Variants in EML5 observed in about 807,000 individuals in gnomAD.
EML5 encodes echinoderm microtubule-associated protein-like 5.
A neutral mutation model predicts 250.0 loss-of-function variants in EML5; 120 were observed. The observed-to-expected ratio is 0.48, with a 90% CI of 0.41 to 0.56. The LOEUF (loss-of-function observed/expected upper bound fraction) is 0.56, where lower values mean the gene tolerates loss of function less well. EML5 is among the 20% of genes least tolerant of loss of function. The pLI is 0.00. For missense variants in EML5, 2,006 were observed against 2,437.6 expected (o/e 0.82, Z 3.73); for synonymous variants, 771 against 806.5 (o/e 0.96, Z 0.75).
At position 88,688,488 on chromosome 14, in the gene EML5, AT is replaced by A. The variant is rs775108935; in HGVS notation, c.2540-16del. On this transcript the variant is annotated splice_polypyrimidine_tract_variant and intron_variant, in intron 17 of 43. Coordinates refer to ENST00000554922, the MANE Select transcript of EML5 (RefSeq NM_183387.3). The stretch of plus-strand genomic sequence containing the variant: ...CAATCCTCCCCCTAGTTCACAAAAA[AT>A]ATTATGAAAGTACCACTTTCAAAAT... 7.4e-6 allele frequency: 12 copies of A among 1,611,810 alleles called. No homozygotes were observed. In the East Asian group the frequency reaches 2.7e-4, roughly 36 times the overall value.
chr14:88,767,856 T>C (rs1243480390), intron 1 of EML5, among the ~76,000 whole-genome samples: 1 of 141,694 alleles, frequency 7.1e-6, no homozygotes, highest in African/African-American at 2.8e-5. Flanking sequence ...TAGTACAATA[T>C]CATTACCTAA....
At chr14:88,770,681 C>T (rs2094382440) in intron 1 of EML5, among the ~76,000 whole-genome samples, 1 of 152,106 alleles carries the variant, frequency 6.6e-6, no homozygotes, top group East Asian at 1.9e-4. Flanking sequence ...GTTCAGGTAT[C>T]CTTCAGGTTA....
intron 11 of EML5, 71 bp from the exon 12 acceptor site, chr14:88,705,659 A>C (rs566467066): frequency 9.0e-7 from 1 of 1,110,244 alleles, no homozygotes; most frequent in African/African-American, 1.6e-5. Context: ...TGAAAAATTA[A>C]TGATTAAGAG....
At chr14:88,618,195 C>T (rs1348323221) in intron 41 of EML5, 33 bp downstream of exon 41, 2 of 1,583,986 alleles carry the variant, frequency 1.3e-6, no homozygotes, top group East Asian at 2.2e-5. Flanking sequence ...CCTTCAAAGT[C>T]AGTTCTTGCC....
chr14:88,628,515 A>C (rs1435360905), intron 33 of EML5, among the ~76,000 whole-genome samples: 2 of 152,086 alleles, frequency 1.3e-5, no homozygotes, highest in African/African-American at 2.4e-5. Flanking sequence ...TTATAGTTTT[A>C]TATTTTCTTT....
At chr14:88,727,427 G>A (rs1595688725) in intron 7 of EML5, among the ~76,000 whole-genome samples, 5 of 148,486 alleles carry the variant, frequency 3.4e-5, no homozygotes, top group African/African-American at 1.2e-4. Context: ...TTGAGACGGA[G>A]TTTCGTTCCT....
chr14:88,620,942 A>G lies in EML5; in HGVS notation c.5203-16T>C. On this transcript the variant is annotated splice_polypyrimidine_tract_variant and intron_variant, in intron 38 of 43. Coordinates refer to ENST00000554922, the MANE Select transcript of EML5 (RefSeq NM_183387.3). The surrounding 1 kb of genome is among the most constrained non-coding windows in gnomAD (Gnocchi z 4.3). The stretch of plus-strand genomic sequence containing the variant: ...TTAACATCTTCTGCATTTAAAAAAA[A>G]AAAAAAAAAGAGTCATAGGAAACAT... 6.7e-7 allele frequency: 1 copy of G among 1,491,772 alleles called. No homozygotes were observed. Among genetic ancestry groups the G allele is most frequent in the Non-Finnish European group, 8.9e-7 (1 of 1,126,082 alleles). 92.4% of individuals were successfully genotyped at this position (1,491,772 alleles called of 1,614,324 possible). A position where few individuals can be genotyped will look rare whatever the true frequency, so the allele number is the denominator to read the frequency against.
intron 39 of EML5, chr14:88,619,607 T>C (rs1020371753): frequency 2.6e-5 from 4 of 152,250 alleles, no homozygotes; most frequent in Non-Finnish European, 5.9e-5. Flanking sequence ...GTCTTAATAT[T>C]AAGCAAAGAA....
chr14:88,695,504 G>T (rs1367542609), intron 15 of EML5, 50 bp from the exon 16 acceptor site: 1 of 1,491,536 alleles, frequency 6.7e-7, no homozygotes, highest in Non-Finnish European at 9.2e-7. Flanking sequence ...ATTCAGAAGA[G>T]AGAAAACATT....
chr14:88,626,649 T>C (rs2089987499), intron 35 of EML5, 189 bp downstream of exon 35: 1 of 645,930 alleles, frequency 1.5e-6, no homozygotes, highest in Admixed American at 3.0e-5. Flanking sequence ...CCCCCTCTCA[T>C]TAACATTCTT....
intron 1 of EML5, among the ~76,000 whole-genome samples, chr14:88,779,241 CT>C (rs1353913813): frequency 1.3e-5 from 2 of 152,136 alleles, no homozygotes; most frequent in Non-Finnish European, 2.9e-5. Context: ...TTAAAGCCTT[CT>C]TCTAATATCT....
Position 88,646,954 on chromosome 14 carries a change from C to T in EML5, c.4021G>A (p.Gly1341Ser), listed in dbSNP as rs767336981. 2 of 1,592,476 alleles carry T rather than the reference C, an allele frequency of 1.3e-6. No individual in the cohort carries two copies. The highest frequency in any genetic ancestry group is 1.7e-6 in the Non-Finnish European group (2 of 1,177,720). Residue 1341 changes from glycine to serine, a missense_variant and splice_region_variant, in exon 29 of 44, where the codon GGT becomes AGT. By Grantham distance (56) the Gly-to-Ser change is moderately conservative. Transcript: ENST00000554922. ...SIDERQGVVR[G>S]SRPPVSRAPP... is the part of the protein sequence containing the mutation. ...CAGCAAAGAGAGGATTACCTGGAAC[C>T]TCTTTTCAGCAGCAGATAAAGAGGG...
intron 33 of EML5, among the ~76,000 whole-genome samples, chr14:88,633,692 A>G (rs36122616): frequency 0.011 from 1,624 of 152,326 alleles, 13 homozygotes; most frequent in Non-Finnish European, 0.015. Context: ...TTGTAGCACA[A>G]AAGCTGCCAC....
rs1232458722 is a variant in EML5, at chr14:88,618,551, GCTGGAGCT to G, written c.5538+91_5538+98del. ...AAGGTACAAAGGGAGGAGTTGAGAAGCTGGAGCTCTGGAGCTCAGGAACTTTAAATGCA... is the reference window on the plus strand; with the variant it reads ...AAGGTACAAAGGGAGGAGTTGAGAAGCTGGAGCTCAGGAACTTTAAATGCA... On this transcript the variant is annotated intron_variant, in intron 40 of 43. Transcript: ENST00000554922. The G allele has an allele frequency of 5.8e-6, 8 of 1,375,684 alleles. No individual in the cohort carries two copies. The South Asian group carries it at 1.2e-4, about 21-fold the overall frequency. 85.2% of individuals were successfully genotyped at this position (1,375,684 alleles called of 1,614,324 possible).
chr14:88,705,952 G>T, intron 11 of EML5: 2 of 531,938 alleles, frequency 3.8e-6, no homozygotes, highest in Admixed American at 2.8e-5. Context: ...GTCAATAAAA[G>T]CATTTACAAA....
intron 8 of EML5, among the ~76,000 whole-genome samples, chr14:88,716,758 C>T (rs2093501200): frequency 6.6e-6 from 1 of 151,850 alleles, no homozygotes; most frequent in Admixed American, 6.6e-5. Flanking sequence ...CACACACACA[C>T]ACACACGGTA....
Position 88,754,530 on chromosome 14 carries a change from C to T in EML5, c.339G>A (p.Ala113=), listed in dbSNP as rs201072176. The T allele has an allele frequency of 1.2e-3, 1,971 of 1,604,304 alleles. 1 individual carries two copies. Among genetic ancestry groups the T allele is most frequent in the Non-Finnish European group, 1.6e-3 (1,843 of 1,176,718 alleles). Residue 113 remains alanine (A), a synonymous_variant, in exon 2 of 44, where the codon GCG becomes GCA. Transcript: ENST00000554922. The part of the protein sequence containing the change: ...DVHTHGIACL[A]FDLDGQRLVS... ...CACATACCTGTCCATCTAAGTCAAA[C>T]GCCAAGCAAGCTATACCATGTGTAT...
chr14:88,672,005 TAACA>T (rs1179939912), intron 21 of EML5, among the ~76,000 whole-genome samples: 1 of 152,070 alleles, frequency 6.6e-6, no homozygotes, highest in Non-Finnish European at 1.5e-5. Flanking sequence ...GACAGAAAAT[TAACA>T]AAGATATTCA....
intron 1 of EML5, among the ~76,000 whole-genome samples, chr14:88,762,872 A>C (rs2094265601): frequency 6.6e-6 from 1 of 152,192 alleles, no homozygotes; most frequent in Non-Finnish European, 1.5e-5. Context: ...CAAAAACCAT[A>C]CAACTACACG....
Sources: gnomAD v4.1 joint callset for allele counts (sites outside exome capture counted in the v4.1 genomes callset) on GRCh38, gnomAD v4.1.1 for gene constraint, Gnocchi (gnomAD v3.1) non-coding constraint, MANE v1.5 for transcripts, NCBI Gene and HGNC (gene_info 2026-07-23, HGNC 2026-07-21) for gene names.